CYP3A5: variants seen among roughly 807,000 people sequenced by gnomAD.
The protein encoded by CYP3A5 is cytochrome P450 3A5.
CYP3A5 carries 51 observed loss-of-function variants against 55.9 expected under a neutral mutation model. The ratio of observed to expected loss-of-function variants is 0.91; its 90% confidence interval spans 0.73 to 1.15. The LOEUF is 1.15. Ranked by LOEUF, CYP3A5 falls within the 50% of genes most tolerant of loss-of-function variation. The probability of loss-of-function intolerance (pLI) is 0.00; values close to 1 mark genes in which losing one functional copy is unlikely to be tolerated. For missense variants in CYP3A5, 533 were observed against 596.6 expected (o/e 0.89, Z 1.11); for synonymous variants, 196 against 213.9 (o/e 0.92, Z 0.73).
intron 10 of CYP3A5, 28 bp from the exon 11 acceptor site, chr7:99,652,807 A>G (rs1037018890): frequency 1.3e-6 from 2 of 1,579,960 alleles, no homozygotes; most frequent in Non-Finnish European, 1.7e-6. Context: ...GAATTGGATA[A>G]TCTGAGATTT....
At chr7:99,666,776 A>G in intron 5 of CYP3A5, 87 bp from the exon 6 acceptor site, 1 of 1,605,238 alleles carries the variant, frequency 6.2e-7, no homozygotes, top group Non-Finnish European at 8.5e-7. Flanking sequence ...TGGAGCAGTA[A>G]GTGACATTTT....
intron 1 of CYP3A5, among the ~76,000 whole-genome samples, chr7:99,677,949 T>G (rs543693182): frequency 3.6e-4 from 55 of 152,366 alleles, no homozygotes; most frequent in Non-Finnish European, 7.3e-4. Context: ...TCAAGGCAGA[T>G]GCTGTGCTGG....
rs1810672727 is a variant in CYP3A5, at chr7:99,663,726, A to T, written c.798+242T>A. 5 of 1,123,658 alleles carry T rather than the reference A, an allele frequency of 4.4e-6. No homozygotes were observed. In the East Asian group the frequency reaches 2.8e-4, roughly 62 times the overall value. 69.6% of individuals were successfully genotyped at this position (1,123,658 alleles called of 1,614,324 possible). A position where few individuals can be genotyped will look rare whatever the true frequency, so the allele number is the denominator to read the frequency against. ...AGAAGTGGTAAAATTTTATCTCAAT[A>T]CTGTTTATATCATGACATACTAATT... is the stretch of plus-strand genomic sequence containing the variant. On this transcript the variant is annotated intron_variant, in intron 8 of 12. Coordinates refer to ENST00000222982, the MANE Select transcript of CYP3A5 (RefSeq NM_000777.5).
At chr7:99,679,024 T>G (rs2151467607) in intron 1 of CYP3A5, among the ~76,000 whole-genome samples, 1 of 152,340 alleles carries the variant, frequency 6.6e-6, no homozygotes, top group East Asian at 1.9e-4. Context: ...GCTCCTGCCT[T>G]TTCAGGCTGC....
chr7:99,673,101 A>G (rs374570496), intron 3 of CYP3A5, among the ~76,000 whole-genome samples: 5 of 152,326 alleles, frequency 3.3e-5, no homozygotes, highest in African/African-American at 1.2e-4. Flanking sequence ...TAAATCATCA[A>G]GTGCTCACAA....
chr7:99,655,378 C>T (rs1465820427), intron 10 of CYP3A5, among the ~76,000 whole-genome samples: 1 of 152,168 alleles, frequency 6.6e-6, no homozygotes. Flanking sequence ...TGTCAAAGAT[C>T]AGATGGTTGT....
chr7:99,677,588 CTTA>C (rs1465700787), intron 1 of CYP3A5, among the ~76,000 whole-genome samples: 1 of 152,200 alleles, frequency 6.6e-6, no homozygotes, highest in African/African-American at 2.4e-5. Flanking sequence ...CATCCAGTGA[CTTA>C]TAAAATGTGA....
At chr7:99,670,692 A>G (rs1811519318) in intron 4 of CYP3A5, among the ~76,000 whole-genome samples, 1 of 152,170 alleles carries the variant, frequency 6.6e-6, no homozygotes, top group Non-Finnish European at 1.5e-5. Flanking sequence ...TTGCTTCACA[A>G]TCACACCTTG....
chr7:99,672,303 G>T (rs1015078993), intron 4 of CYP3A5, among the ~76,000 whole-genome samples: 2 of 152,058 alleles, frequency 1.3e-5, no homozygotes, highest in Admixed American at 6.6e-5. Context: ...ACCTGCCTCG[G>T]CCTCCCAAAG....
At chr7:99,663,076 G>T in intron 8 of CYP3A5, 194 bp from the exon 9 acceptor site, 2 of 1,327,864 alleles carry the variant, frequency 1.5e-6, no homozygotes, top group Non-Finnish European at 9.7e-7. Context: ...ATGTTTTCCT[G>T]AAACAAATCT....
chr7:99,653,644 G>A lies in CYP3A5; in HGVS notation c.1027-865C>T, dbSNP rs566473813. Among the ~76,000 whole-genome samples the A allele has an allele frequency of 3.3e-5, 5 of 152,188 alleles. No individual in the cohort carries two copies. The East Asian group carries it at 9.6e-4, about 29-fold the overall frequency. ...CTCCTTTTGGAATAGTTTCCTAGTT[G>A]TTGCTTCAGGGCTGGACTGTAATCT... On this transcript the variant is annotated intron_variant, in intron 10 of 12. Transcript: ENST00000222982. The surrounding 1 kb of genome is among the most constrained non-coding windows in gnomAD (Gnocchi z 4.2).
At chr7:99,650,316 C>A in intron 11 of CYP3A5, 84 bp from the exon 12 acceptor site, 3 of 1,253,774 alleles carry the variant, frequency 2.4e-6, no homozygotes, top group South Asian at 1.3e-5. Flanking sequence ...TTAAGAACAA[C>A]CCCCCTCCAC....
At chr7:99,658,737 G>T (rs968210278) in intron 10 of CYP3A5, 3 of 152,120 alleles carry the variant, frequency 2.0e-5, no homozygotes, top group East Asian at 1.9e-4. Flanking sequence ...CGTAGATTTG[G>T]TCTTTTCACA....
rs1199584462 is a variant in CYP3A5, at chr7:99,674,601, A to G, written c.166-16T>C. 6.2e-7 allele frequency: 1 copy of G among 1,607,724 alleles called. No homozygotes were observed. Among genetic ancestry groups the G allele is most frequent in the Admixed American group, 1.7e-5 (1 of 59,948 alleles). ...TCCAGAGACCCTGGGAGAGGAAACA[A>G]AATACAAGTTGATTATTATTTTAAA... is the stretch of plus-strand genomic sequence containing the variant. On this transcript the variant is annotated splice_polypyrimidine_tract_variant and intron_variant, in intron 2 of 12. Coordinates refer to ENST00000222982, the MANE Select transcript of CYP3A5 (RefSeq NM_000777.5).
In CYP3A5 at chr7:99,662,727, C is replaced by A; in HGVS notation, c.865+89G>T. The stretch of plus-strand genomic sequence containing the variant: ...TCTGCTATGTGGCAAAAATTCTCAT[C>A]TTCCTGGAATACTTCCTGCACATTT... On this transcript the variant is annotated intron_variant, in intron 9 of 12. Coordinates refer to ENST00000222982, the MANE Select transcript of CYP3A5 (RefSeq NM_000777.5). The surrounding 1 kb of genome is among the most constrained non-coding windows in gnomAD (Gnocchi z 4.3). 7.6e-7 allele frequency: 1 copy of A among 1,308,114 alleles called. No homozygotes were observed. Among genetic ancestry groups the A allele is most frequent in the Non-Finnish European group, 1.1e-6 (1 of 918,290 alleles). 81.0% of individuals were successfully genotyped at this position (1,308,114 alleles called of 1,614,324 possible). A position where few individuals can be genotyped will look rare whatever the true frequency, so the allele number is the denominator to read the frequency against.
intron 8 of CYP3A5, 41 bp downstream of exon 8, chr7:99,663,927 C>G (rs1207008103): frequency 6.5e-7 from 1 of 1,549,792 alleles, no homozygotes; most frequent in Non-Finnish European, 8.6e-7. Context: ...CTAAATTTAT[C>G]AAAACCTAAA....
At chr7:99,666,742 A>G (rs1214230124) in intron 5 of CYP3A5, 53 bp from the exon 6 acceptor site, 2 of 1,613,352 alleles carry the variant, frequency 1.2e-6, no homozygotes, top group Non-Finnish European at 1.7e-6. Flanking sequence ...CTCAAGTCCC[A>G]GAAGGATATG....
chr7:99,648,827 A>G (rs1808871693), intron 12 of CYP3A5, among the ~76,000 whole-genome samples: 1 of 152,160 alleles, frequency 6.6e-6, no homozygotes, highest in Non-Finnish European at 1.5e-5. Flanking sequence ...GTACAGTTTA[A>G]TTATGTGGGC....
At position 99,663,948 on chromosome 7, in the gene CYP3A5, T is replaced by G. The variant is rs1419758825; in HGVS notation, c.798+20A>C. 4 of 1,570,138 alleles carry G rather than the reference T, an allele frequency of 2.5e-6. No individual in the cohort carries two copies. In the Admixed American group the frequency reaches 8.7e-5, roughly 34 times the overall value. ...TTATCAAAACCTAAACATCGTCATT[T>G]AACCACCATCAGATTTTACCTTTTG... On this transcript the variant is annotated intron_variant, in intron 8 of 12. Coordinates refer to ENST00000222982, the MANE Select transcript of CYP3A5 (RefSeq NM_000777.5).
Sources: allele counts gnomAD v4.1 joint callset (sites outside exome capture counted in the v4.1 genomes callset), GRCh38; gene constraint gnomAD v4.1.1; non-coding constraint Gnocchi (gnomAD v3.1); transcripts MANE v1.5; gene names NCBI Gene and HGNC (gene_info 2026-07-23, HGNC 2026-07-21).